STARD13: variants seen among roughly 807,000 people sequenced by gnomAD.
The protein encoded by STARD13 is stAR-related lipid transfer protein 13.
Under a neutral mutation model 106.4 loss-of-function variants are expected in STARD13, and 62 were observed. That is an observed-to-expected ratio of 0.58 (90% CI 0.48 to 0.72). The LOEUF is 0.72. Ranked by LOEUF, STARD13 falls within the 30% of genes least tolerant of loss-of-function variation. The probability of loss-of-function intolerance (pLI) is 0.00; values close to 1 mark genes in which losing one functional copy is unlikely to be tolerated. For missense variants in STARD13, 1,387 were observed against 1,424.0 expected (o/e 0.97, Z 0.42); for synonymous variants, 565 against 553.0 (o/e 1.02, Z -0.31).
chr13:33,431,420 A>G, the STARD13 span, among the ~76,000 whole-genome samples: 1 of 152,178 alleles, frequency 6.6e-6, no homozygotes, highest in Non-Finnish European at 1.5e-5. Flanking sequence ...TGTTTCTTTT[A>G]TTAATGAAAC....
intron 3 of STARD13, among the ~76,000 whole-genome samples, chr13:33,153,329 C>G (rs115922814): frequency 0.015 from 2,247 of 152,234 alleles, 53 homozygotes; most frequent in African/African-American, 0.051. Flanking sequence ...GTAAGGCGGT[C>G]GTCAGCAGAA....
chr13:33,202,962 G>A (rs1887152051), intron 1 of STARD13, among the ~76,000 whole-genome samples: 1 of 152,156 alleles, frequency 6.6e-6, no homozygotes, highest in Non-Finnish European at 1.5e-5. Context: ...TATTAAGAAA[G>A]GGAAGAAAGG....
chr13:33,367,241 T>G, the STARD13 span, among the ~76,000 whole-genome samples: 1 of 152,248 alleles, frequency 6.6e-6, no homozygotes, highest in South Asian at 2.1e-4. Flanking sequence ...TTACAAAATG[T>G]ATGTTAGACA....
At chr13:33,441,297 A>G in the STARD13 span, among the ~76,000 whole-genome samples, 2 of 151,994 alleles carry the variant, frequency 1.3e-5, no homozygotes, top group South Asian at 2.1e-4. Flanking sequence ...TCTAGTCTTA[A>G]TTCTCTCCAA....
At chr13:33,499,161 A>G in the STARD13 span, among the ~76,000 whole-genome samples, 1 of 152,136 alleles carries the variant, frequency 6.6e-6, no homozygotes, top group African/African-American at 2.4e-5. Flanking sequence ...ACAAACAAAA[A>G]CAAAAACAAA....
rs145693885 is a variant in STARD13 at position 33,105,714 on chromosome 13, T to G, written c.3225-4A>C. The G allele has an allele frequency of 2.5e-6, 4 of 1,608,408 alleles. No homozygotes were observed. Among genetic ancestry groups the G allele is most frequent in the South Asian group, 2.2e-5 (2 of 90,914 alleles). On this transcript the variant is annotated splice_polypyrimidine_tract_variant and splice_region_variant and intron_variant, in intron 13 of 13. Coordinates refer to ENST00000336934, the MANE Select transcript of STARD13 (RefSeq NM_178006.4). Reference sequence around the variant, plus strand: ...GTACCATTCTGGGGAGTGACCTCTGTGGGGAAAGAAATCAGAAAGGAAGTG... The same window carrying G: ...GTACCATTCTGGGGAGTGACCTCTGGGGGGAAAGAAATCAGAAAGGAAGTG...
the STARD13 span, among the ~76,000 whole-genome samples, chr13:33,359,945 A>T: frequency 6.6e-6 from 1 of 152,224 alleles, no homozygotes; most frequent in African/African-American, 2.4e-5. Context: ...ACGTCTGGTT[A>T]TCTAAAATGA....
chr13:33,537,652 G>C, the STARD13 span, among the ~76,000 whole-genome samples: 2 of 151,818 alleles, frequency 1.3e-5, no homozygotes, highest in Non-Finnish European at 2.9e-5. Context: ...ATCCACTCTC[G>C]GGCTTGGCCG....
the STARD13 span, among the ~76,000 whole-genome samples, chr13:33,659,484 G>A: frequency 6.6e-6 from 1 of 152,210 alleles, no homozygotes; most frequent in Admixed American, 6.5e-5. Flanking sequence ...AGAGTGCTGG[G>A]ATTACAGGTG....
At chr13:33,456,784 C>A in the STARD13 span, among the ~76,000 whole-genome samples, 37 of 152,280 alleles carry the variant, frequency 2.4e-4, no homozygotes, top group Non-Finnish European at 4.4e-5. Flanking sequence ...ATCTATGAAC[C>A]AGAAAGCAGG....
At chr13:33,406,222 T>C in the STARD13 span, among the ~76,000 whole-genome samples, 1 of 152,206 alleles carries the variant, frequency 6.6e-6, no homozygotes, top group Non-Finnish European at 1.5e-5. Flanking sequence ...TTCTAAGCTG[T>C]GATTTAATAC....
chr13:33,392,023 C>T, the STARD13 span, among the ~76,000 whole-genome samples: 36 of 152,240 alleles, frequency 2.4e-4, no homozygotes, highest in Non-Finnish European at 4.9e-4. Flanking sequence ...GGCGTAAATT[C>T]TTCCCTCAAC....
intron 1 of STARD13, among the ~76,000 whole-genome samples, chr13:33,243,303 G>T (rs1177740332): frequency 6.6e-6 from 1 of 152,140 alleles, no homozygotes; most frequent in Admixed American, 6.5e-5. Flanking sequence ...AGTGTGGAAG[G>T]GGGAATGGTA....
intron 6 of STARD13, among the ~76,000 whole-genome samples, chr13:33,126,637 G>A (rs1057215037): frequency 2.0e-5 from 3 of 152,204 alleles, no homozygotes; most frequent in Non-Finnish European, 4.4e-5. Flanking sequence ...AGGGAGAAAA[G>A]AAGAACAATA....
At chr13:33,346,469 A>C (rs114564650), downstream of STARD13, among the ~76,000 whole-genome samples, 2 of 152,260 alleles carry the variant, frequency 1.3e-5, no homozygotes, top group East Asian at 3.9e-4. Flanking sequence ...CTTTTTGTCT[A>C]TCTGTTCAGT....
At chr13:33,452,425 GA>G in the STARD13 span, among the ~76,000 whole-genome samples, 1 of 152,198 alleles carries the variant, frequency 6.6e-6, no homozygotes, top group African/African-American at 2.4e-5. Flanking sequence ...GTAGTACTCA[GA>G]CTAGAGCTTC....
At chr13:33,533,863 T>C in the STARD13 span, among the ~76,000 whole-genome samples, 2 of 152,254 alleles carry the variant, frequency 1.3e-5, no homozygotes, top group Non-Finnish European at 2.9e-5. Flanking sequence ...GTGTTAATTA[T>C]GCTCTTCTCT....
At chr13:33,445,978 ACTC>A in the STARD13 span, among the ~76,000 whole-genome samples, 1 of 152,104 alleles carries the variant, frequency 6.6e-6, no homozygotes, top group Non-Finnish European at 1.5e-5. Flanking sequence ...AAACTATAGC[ACTC>A]CTCATGTTAG....
chr13:33,297,781 G>A (rs1310186725), intron 1 of STARD13, among the ~76,000 whole-genome samples: 1 of 152,116 alleles, frequency 6.6e-6, no homozygotes. Flanking sequence ...TACGGGTATG[G>A]AGAAGGAACC....
Sources: allele counts gnomAD v4.1 joint callset (sites outside exome capture counted in the v4.1 genomes callset), GRCh38; gene constraint gnomAD v4.1.1; transcripts MANE v1.5; gene names NCBI Gene and HGNC (gene_info 2026-07-23, HGNC 2026-07-21).